EPB41L2: variants seen among roughly 807,000 people sequenced by gnomAD.
EPB41L2 encodes the protein band 4.1-like protein 2.
Under a neutral mutation model 113.0 loss-of-function variants are expected in EPB41L2, and 43 were observed. The ratio of observed to expected loss-of-function variants is 0.38; its 90% CI spans 0.30 to 0.49. The LOEUF (loss-of-function observed/expected upper bound fraction) is 0.49, where lower values mean the gene tolerates loss of function less well. EPB41L2 is among the 20% of genes least tolerant of loss of function. The probability of loss-of-function intolerance (pLI) is 0.95; values close to 1 mark genes in which losing one functional copy is unlikely to be tolerated. For synonymous variants in EPB41L2, 442 were observed against 436.7 expected (o/e 1.01, Z -0.15); for missense variants, 1,147 against 1,223.4 (o/e 0.94, Z 0.93).
intron 1 of EPB41L2, among the ~76,000 whole-genome samples, chr6:130,971,591 A>G (rs1776792412): frequency 6.6e-6 from 1 of 152,238 alleles, no homozygotes; most frequent in Non-Finnish European, 1.5e-5. Flanking sequence ...GGGCAAATGG[A>G]TAATTCACAT....
At chr6:130,900,050 A>G (rs12212907) in intron 7 of EPB41L2, among the ~76,000 whole-genome samples, 3,161 of 152,320 alleles carry the variant, frequency 0.021, 51 homozygotes, top group South Asian at 0.06. Flanking sequence ...AATTATTTCC[A>G]TTCCTATCTA....
At chr6:130,980,596 T>C (rs1562652697) in intron 1 of EPB41L2, among the ~76,000 whole-genome samples, 1 of 152,072 alleles carries the variant, frequency 6.6e-6, no homozygotes, top group Non-Finnish European at 1.5e-5. Context: ...TCTAACAACT[T>C]TGGAGCATTT....
At chr6:130,863,745 A>T in intron 17 of EPB41L2, 27 bp from the exon 18 acceptor site, 4 of 1,542,552 alleles carry the variant, frequency 2.6e-6, no homozygotes, top group Non-Finnish European at 3.6e-6. Flanking sequence ...AGAAGAAGAA[A>T]AAACAGCAAT....
chr6:130,935,076 G>T (rs1456181548), intron 3 of EPB41L2, among the ~76,000 whole-genome samples: 1 of 152,028 alleles, frequency 6.6e-6, no homozygotes, highest in East Asian at 1.9e-4. Context: ...AATATTGGGG[G>T]AATTTTGCAG....
At chr6:131,014,045 T>G (rs188487045) in intron 1 of EPB41L2, 35 of 134,496 alleles carry the variant, frequency 2.6e-4, no homozygotes, top group African/African-American at 1.0e-3. Context: ...TTCAAATAAA[T>G]AGTTAAAATA....
intron 1 of EPB41L2, among the ~76,000 whole-genome samples, chr6:131,056,978 G>T (rs1224935502): frequency 6.6e-6 from 1 of 152,006 alleles, no homozygotes; most frequent in African/African-American, 2.4e-5. Context: ...GTAAATGGGG[G>T]TCAACTAAAT....
Position 131,033,345 on chromosome 6 carries a change from G to A in EPB41L2, c.-15+29810C>T, listed in dbSNP as rs551093037. On this transcript the variant is annotated intron_variant, in intron 1 of 19. Coordinates refer to ENST00000337057, the MANE Select transcript of EPB41L2 (RefSeq NM_001431.4). ...ATAAAACCCTTATGAGTTGCTGGCA[G>A]GAATATAGAATGAATGGCACATCCC... Among the ~76,000 whole-genome samples the A allele has an allele frequency of 9.2e-5, 14 of 152,252 alleles. No individual in the cohort carries two copies. The East Asian group carries it at 2.7e-3, about 29-fold the overall frequency.
At chr6:130,854,653 T>A (rs1356413990) in intron 19 of EPB41L2, among the ~76,000 whole-genome samples, 2 of 64,346 alleles carry the variant, frequency 3.1e-5, no homozygotes, top group Admixed American at 3.2e-4. Context: ...TTCATAAAAT[T>A]TAGAGAAAAA....
intron 1 of EPB41L2, chr6:130,978,905 T>C (rs981258468): frequency 1.1e-4 from 17 of 152,110 alleles, no homozygotes; most frequent in African/African-American, 3.6e-4. Context: ...CTGGGCTTAT[T>C]ATAAGTGGGT....
intron 1 of EPB41L2, among the ~76,000 whole-genome samples, chr6:131,001,281 T>G (rs936445550): frequency 1.3e-5 from 2 of 151,848 alleles, no homozygotes; most frequent in African/African-American, 4.8e-5. Context: ...CAATGCCTAC[T>G]CTGAGACAAG....
At position 130,870,198 on chromosome 6, in the gene EPB41L2, AC is replaced by A. The variant is rs144703256; in HGVS notation, c.2044-73del. The A allele has an allele frequency of 4.6e-3, 7,048 of 1,542,740 alleles. 291 individuals are homozygous for A. In the African/African-American group the frequency reaches 0.089, roughly 19 times the overall value. Reference sequence around the variant, plus strand: ...ATAAAAACAACGGAAACCCAAATTAACCGATGGCAGATTCATGTCATGGAGA... The same window carrying A: ...ATAAAAACAACGGAAACCCAAATTAACGATGGCAGATTCATGTCATGGAGA... On this transcript the variant is annotated intron_variant, in intron 14 of 19. Transcript: ENST00000337057.
At chr6:130,869,422 C>T (rs1008842420) in intron 15 of EPB41L2, 141 bp downstream of exon 15, 6 of 798,798 alleles carry the variant, frequency 7.5e-6, no homozygotes, top group African/African-American at 1.7e-5. Context: ...AGCAGTGCTT[C>T]CCCCTTCCTC....
chr6:130,972,386 ATC>A (rs1230644234), intron 1 of EPB41L2, among the ~76,000 whole-genome samples: 1 of 151,792 alleles, frequency 6.6e-6, no homozygotes. Flanking sequence ...ACATCCACCT[ATC>A]ATATGACTCT....
At chr6:130,922,060 G>A (rs1803052645) in intron 4 of EPB41L2, among the ~76,000 whole-genome samples, 1 of 152,210 alleles carries the variant, frequency 6.6e-6, no homozygotes, top group Admixed American at 6.5e-5. Flanking sequence ...CTATGTGTGT[G>A]TGCATATGCG....
At chr6:130,939,339 C>T (rs766461423) in intron 3 of EPB41L2, among the ~76,000 whole-genome samples, 39 of 152,068 alleles carry the variant, frequency 2.6e-4, no homozygotes, top group Non-Finnish European at 4.4e-4. Context: ...CTACAACCTC[C>T]GCCTGTCGGG....
intron 1 of EPB41L2, among the ~76,000 whole-genome samples, chr6:131,026,151 G>A (rs1286323850): frequency 1.3e-5 from 2 of 152,226 alleles, no homozygotes; most frequent in East Asian, 3.9e-4. Flanking sequence ...GGACAGGCAA[G>A]GGCAGGGACT....
At chr6:131,042,303 C>G (rs1794612292) in intron 1 of EPB41L2, among the ~76,000 whole-genome samples, 2 of 152,126 alleles carry the variant, frequency 1.3e-5, no homozygotes, top group South Asian at 4.2e-4. Context: ...TAAAAACTAG[C>G]AAAAGATTTA....
At chr6:130,949,567 A>G (rs1016816896) in intron 3 of EPB41L2, among the ~76,000 whole-genome samples, 1 of 152,222 alleles carries the variant, frequency 6.6e-6, no homozygotes, top group Admixed American at 6.5e-5. Flanking sequence ...CCTGTTGAAA[A>G]AAGAAGAAAA....
chr6:131,003,341 T>C (rs2128715233), intron 1 of EPB41L2, among the ~76,000 whole-genome samples: 1 of 152,354 alleles, frequency 6.6e-6, no homozygotes, highest in Non-Finnish European at 1.5e-5. Context: ...AGGCCAGGTC[T>C]CATTTTATTA....
Sources: gnomAD v4.1 joint callset for allele counts (sites outside exome capture counted in the v4.1 genomes callset) on GRCh38, gnomAD v4.1.1 for gene constraint, MANE v1.5 for transcripts, NCBI Gene and HGNC (gene_info 2026-07-23, HGNC 2026-07-21) for gene names.